The following LRRC7 variants were observed in gnomAD, a reference collection of about 807,000 sequenced individuals.
The protein encoded by LRRC7 is leucine-rich repeat-containing protein 7.
In LRRC7, 23 loss-of-function variants were observed where a neutral mutation model predicts 175.7. That is an observed-to-expected ratio of 0.13 (90% CI 0.09 to 0.19). LRRC7 has a LOEUF of 0.19. LRRC7 is among the 10% of genes least tolerant of loss of function. The probability of loss-of-function intolerance (pLI) is 1.00; values close to 1 mark genes in which losing one functional copy is unlikely to be tolerated. For synonymous variants in LRRC7, 685 were observed against 680.9 expected, an observed-to-expected ratio of 1.01 and a Z score of -0.09; for missense variants, 1,354 against 1,904.7, an observed-to-expected ratio of 0.71 and a Z score of 5.38.
rs1195810798 is a variant in LRRC7 at position 70,133,078 on chromosome 1, C to A, written c.*11191C>A. Among the ~76,000 whole-genome samples, 1 of 152,044 alleles carries A rather than the reference C, an allele frequency of 6.6e-6. No homozygotes were observed. Among genetic ancestry groups the A allele is most frequent in the Non-Finnish European group, 1.5e-5 (1 of 68,020 alleles). On this transcript the variant is annotated 3_prime_UTR_variant, in exon 27 of 27. Transcript: ENST00000651989. Reference sequence around the variant, plus strand: ...ATCCTCATATTTAGTTGTACACATCCGCATACTCTTTTAAAGAAACATGTG... The same window carrying A: ...ATCCTCATATTTAGTTGTACACATCAGCATACTCTTTTAAAGAAACATGTG...
intron 1 of LRRC7, among the ~76,000 whole-genome samples, chr1:69,639,451 C>A (rs569162343): frequency 6.6e-6 from 1 of 151,906 alleles, no homozygotes; most frequent in African/African-American, 2.4e-5. Context: ...AATTATACAC[C>A]AGTACTTCTC....
At chr1:70,083,391 T>C (rs1663369166) in intron 24 of LRRC7, among the ~76,000 whole-genome samples, 1 of 152,152 alleles carries the variant, frequency 6.6e-6, no homozygotes, top group Non-Finnish European at 1.5e-5. Flanking sequence ...CTCTTTATCA[T>C]AAAACTGCTG....
rs944360421 is a variant in LRRC7 at position 70,076,389 on chromosome 1, G to T, written c.4452+91G>T. On this transcript the variant is annotated intron_variant, in intron 24 of 26. Transcript: ENST00000651989. ...GCCTTCCCTCATTAATGTGGTCCAG[G>T]ACACAATGCCATCACCATGTTGAAT... The T allele has an allele frequency of 7.3e-6, 8 of 1,098,022 alleles. No individual in the cohort carries two copies. In the African/African-American group the frequency reaches 1.2e-4, roughly 17 times the overall value. The allele number at this position is 1,098,022 out of a possible 1,614,324, so 68.0% of individuals were successfully genotyped here.
At chr1:69,626,336 A>G (rs1651530101) in intron 1 of LRRC7, among the ~76,000 whole-genome samples, 1 of 150,074 alleles carries the variant, frequency 6.7e-6, no homozygotes, top group South Asian at 2.1e-4. Flanking sequence ...TCTTGACCCC[A>G]TATTTCTTTA....
At chr1:69,854,367 G>A (rs954483836) in intron 7 of LRRC7, among the ~76,000 whole-genome samples, 2 of 152,116 alleles carry the variant, frequency 1.3e-5, no homozygotes, top group African/African-American at 4.8e-5. Flanking sequence ...GCCAAGCCTT[G>A]TGATGTGTGC....
chr1:69,571,705 T>G (rs1210447189), intron 1 of LRRC7, among the ~76,000 whole-genome samples: 1 of 152,132 alleles, frequency 6.6e-6, no homozygotes, highest in Non-Finnish European at 1.5e-5. Flanking sequence ...GATACTAAAA[T>G]TTTATTTGCT....
In LRRC7 at chr1:69,644,601, CA is replaced by C. The variant is rs34316971; in HGVS notation, c.3-33778del. On this transcript the variant is annotated intron_variant, in intron 1 of 26. Transcript: ENST00000651989. ...ATATGGTTTCACTGGTGACTTCTAT[CA>C]ACTATTAAAGGAAGAAATATTACCA... Among the ~76,000 whole-genome samples the C allele has an allele frequency of 5.7e-3, 873 of 151,958 alleles. 9 individuals carry two copies. The highest frequency in any genetic ancestry group is 0.02 in the African/African-American group (842 of 41,478).
At chr1:69,695,578 G>GA (rs1342581461) in intron 2 of LRRC7, among the ~76,000 whole-genome samples, 2 of 152,078 alleles carry the variant, frequency 1.3e-5, no homozygotes, top group African/African-American at 4.8e-5. Flanking sequence ...CAAGAAATGG[G>GA]AAAAAAGGCC....
At chr1:70,027,075 G>A (rs990891107) in intron 17 of LRRC7, among the ~76,000 whole-genome samples, 2 of 151,566 alleles carry the variant, frequency 1.3e-5, no homozygotes, top group African/African-American at 2.4e-5. Context: ...TCCTTTCACT[G>A]CTTCTCTTTC....
chr1:69,578,663 A>G (rs991445052), intron 1 of LRRC7, among the ~76,000 whole-genome samples: 10 of 151,920 alleles, frequency 6.6e-5, no homozygotes, highest in African/African-American at 2.4e-4. Flanking sequence ...GAAATTGGAA[A>G]TCATCATTCT....
intron 1 of LRRC7, among the ~76,000 whole-genome samples, chr1:69,590,847 A>G (rs1646600725): frequency 6.6e-6 from 1 of 152,136 alleles, no homozygotes; most frequent in South Asian, 2.1e-4. Context: ...ATCTTTGTAG[A>G]AATGTAGCCT....
intron 4 of LRRC7, among the ~76,000 whole-genome samples, chr1:69,810,204 A>C (rs1057257044): frequency 2.0e-5 from 3 of 152,072 alleles, no homozygotes; most frequent in Non-Finnish European, 2.9e-5. Context: ...ACCTAGGAAT[A>C]CAACTTACAA....
chr1:69,632,579 T>C (rs1223339449), intron 1 of LRRC7, among the ~76,000 whole-genome samples: 2 of 152,158 alleles, frequency 1.3e-5, no homozygotes, highest in Non-Finnish European at 2.9e-5. Flanking sequence ...CACTGTTCTA[T>C]TATCATCATA....
rs191250351 is a variant in LRRC7, at chr1:69,594,146, T to C, written c.2+25505T>C. ...TTTTTACTGTCCGTATAACATTCAA[T>C]GAAGTTGACATACTACATACCCATC... On this transcript the variant is annotated intron_variant, in intron 1 of 26. Transcript: ENST00000651989. Among the ~76,000 whole-genome samples the C allele has an allele frequency of 5.3e-5, 8 of 152,316 alleles. No individual in the cohort carries two copies. In the East Asian group the frequency reaches 1.5e-3, roughly 29 times the overall value.
At chr1:69,826,202 A>C (rs753164904) in intron 5 of LRRC7, among the ~76,000 whole-genome samples, 8 of 152,146 alleles carry the variant, frequency 5.3e-5, no homozygotes, top group Admixed American at 1.3e-4. Context: ...TAAGGTATTG[A>C]CAAGTGCATA....
chr1:69,977,981 C>A (rs969564361), intron 8 of LRRC7, among the ~76,000 whole-genome samples: 35 of 151,994 alleles, frequency 2.3e-4, no homozygotes, highest in African/African-American at 8.5e-4. Flanking sequence ...TGAACCTTGC[C>A]CAGTGGGCAG....
At chr1:69,727,508 A>T (rs993257241) in intron 2 of LRRC7, among the ~76,000 whole-genome samples, 3 of 152,036 alleles carry the variant, frequency 2.0e-5, no homozygotes, top group Non-Finnish European at 4.4e-5. Context: ...TCACTGTTTC[A>T]CTGAGTTGTC....
Position 69,888,451 on chromosome 1 carries a change from G to A in LRRC7, c.648-43056G>A, listed in dbSNP as rs182658150. ...CCCGACCCTTGCACTTCCCAAGTGA[G>A]GCAATGCCTCGCCCTGCTTTGGCTC... On this transcript the variant is annotated intron_variant, in intron 7 of 26. Coordinates refer to ENST00000651989, the MANE Select transcript of LRRC7 (RefSeq NM_001370785.2). Among the ~76,000 whole-genome samples the A allele has an allele frequency of 1.2e-4, 18 of 152,276 alleles. No individual in the cohort carries two copies. In the South Asian group the frequency reaches 1.4e-3, roughly 12 times the overall value.
Position 70,143,283 on chromosome 1 carries a change from TC to T in LRRC7, c.*21398del, listed in dbSNP as rs2102295775. 6.6e-6 allele frequency: 1 copy of T among 151,812 alleles called. No homozygotes were observed. Among genetic ancestry groups the T allele is most frequent in the African/African-American group, 2.4e-5 (1 of 41,404 alleles). The allele number at this position is 151,812 out of a possible 1,614,324, so 9.4% of individuals were successfully genotyped here. On this transcript the variant is annotated 3_prime_UTR_variant, in exon 27 of 27. Transcript: ENST00000651989. ...CATCTTAAGGCCAAGTAACCAGAGC[TC>T]CTTTAGCCAGAGAAAGAACTTGAAT...
Sources: gnomAD v4.1 joint callset for allele counts (sites outside exome capture counted in the v4.1 genomes callset) on GRCh38, gnomAD v4.1.1 for gene constraint, MANE v1.5 for transcripts, NCBI Gene and HGNC (gene_info 2026-07-23, HGNC 2026-07-21) for gene names.